METTL15: variants seen among roughly 807,000 people sequenced by gnomAD.
The protein encoded by METTL15 is methyltransferase 15, mitochondrial 12S rRNA N4-cytidine.
A neutral mutation model predicts 38.3 loss-of-function variants in METTL15; 34 were observed. The observed-to-expected ratio is 0.89, with a 90% CI of 0.68 to 1.18. The LOEUF (loss-of-function observed/expected upper bound fraction) is 1.18, where lower values mean the gene tolerates loss of function less well. Ranked by LOEUF, METTL15 falls within the 50% of genes most tolerant of loss-of-function variation. METTL15 has a pLI of 0.00. For synonymous variants in METTL15, 162 were observed against 170.9 expected (o/e 0.95, Z 0.41); for missense variants, 438 against 498.4 (o/e 0.88, Z 1.15).
intron 6 of METTL15, among the ~76,000 whole-genome samples, chr11:28,466,056 T>A (rs1409105089): frequency 6.6e-6 from 1 of 152,220 alleles, no homozygotes; most frequent in Non-Finnish European, 1.5e-5. Context: ...GCTTGAGCTA[T>A]CTTCAATTGA....
chr11:28,199,904 G>GTTAACAGTGTAGTAAGAAAAATCA (rs1852046571), intron 3 of METTL15, among the ~76,000 whole-genome samples: 1 of 151,814 alleles, frequency 6.6e-6, no homozygotes, highest in South Asian at 2.1e-4. Context: ...CACCATGCCT[G>GTTAACAGTGTAGTAAGAAAAATCA]GGTAATTTTT....
At chr11:28,109,382 A>G (rs561224214) in intron 1 of METTL15, among the ~76,000 whole-genome samples, 34 of 152,294 alleles carry the variant, frequency 2.2e-4, no homozygotes, top group African/African-American at 8.2e-4. Context: ...AACTCATTGT[A>G]TAGTACTTTA....
chr11:28,311,812 A>G (rs528803917), intron 6 of METTL15, among the ~76,000 whole-genome samples: 89 of 152,386 alleles, frequency 5.8e-4, no homozygotes, highest in African/African-American at 2.0e-3. Context: ...TGAGTGAGTT[A>G]GTGGGTAATT....
chr11:28,162,959 T>C (rs886494106), intron 3 of METTL15, among the ~76,000 whole-genome samples: 1 of 152,112 alleles, frequency 6.6e-6, no homozygotes, highest in African/African-American at 2.4e-5. Flanking sequence ...ATAGGTAGTA[T>C]TTTGAGCTTA....
chr11:28,111,140 T>G (rs1024338051), intron 2 of METTL15, among the ~76,000 whole-genome samples: 3 of 152,194 alleles, frequency 2.0e-5, no homozygotes, highest in Admixed American at 6.5e-5. Flanking sequence ...TTTCTCCAGG[T>G]TGACTCAAGT....
chr11:28,151,600 A>G (rs1044694820), intron 3 of METTL15, among the ~76,000 whole-genome samples: 3 of 152,064 alleles, frequency 2.0e-5, no homozygotes, highest in Non-Finnish European at 2.9e-5. Context: ...CCATGATGAC[A>G]TTTATTGCAC....
chr11:28,419,232 G>C (rs1850799099), intron 5 of METTL15, among the ~76,000 whole-genome samples: 1 of 152,220 alleles, frequency 6.6e-6, no homozygotes, highest in Non-Finnish European at 1.5e-5. Context: ...CAGTCCCAGT[G>C]GTGGTGACCA....
chr11:28,518,789 G>T (rs1851740401), intron 6 of METTL15, among the ~76,000 whole-genome samples: 1 of 152,202 alleles, frequency 6.6e-6, no homozygotes, highest in Non-Finnish European at 1.5e-5. Flanking sequence ...CCCCAGAAGG[G>T]CTCCTGTGAA....
chr11:28,406,520 C>T (rs1447803836), intron 5 of METTL15, among the ~76,000 whole-genome samples: 1 of 152,008 alleles, frequency 6.6e-6, no homozygotes, highest in South Asian at 2.1e-4. Context: ...ATGTAACAAA[C>T]CTGCATGTTA....
intron 3 of METTL15, among the ~76,000 whole-genome samples, chr11:28,183,743 GT>G (rs1158336333): frequency 6.6e-6 from 1 of 151,972 alleles, no homozygotes; most frequent in African/African-American, 2.4e-5. Flanking sequence ...TCTCTGCCAG[GT>G]TTTGGTATCA....
chr11:28,477,150 T>C (rs1027209025), intron 6 of METTL15, among the ~76,000 whole-genome samples: 1 of 152,154 alleles, frequency 6.6e-6, no homozygotes, highest in Non-Finnish European at 1.5e-5. Flanking sequence ...TAACTTTTTG[T>C]TCCAGTTTCT....
At chr11:28,245,699 T>A (rs1386466076) in intron 4 of METTL15, among the ~76,000 whole-genome samples, 1 of 152,138 alleles carries the variant, frequency 6.6e-6, no homozygotes, top group Non-Finnish European at 1.5e-5. Flanking sequence ...TCATTGACTA[T>A]CAGTTCCATA....
intron 3 of METTL15, among the ~76,000 whole-genome samples, chr11:28,209,817 A>G (rs1467216537): frequency 1.3e-5 from 2 of 152,020 alleles, no homozygotes; most frequent in Non-Finnish European, 2.9e-5. Flanking sequence ...AAATATATTC[A>G]AATCCATGAC....
intron 4 of METTL15, among the ~76,000 whole-genome samples, chr11:28,284,899 C>G (rs1856193086): frequency 6.6e-6 from 1 of 152,026 alleles, no homozygotes; most frequent in Non-Finnish European, 1.5e-5. Flanking sequence ...GGCTCTATGT[C>G]CCCATCCAAA....
chr11:28,254,268 T>A (rs1042289688), intron 4 of METTL15, among the ~76,000 whole-genome samples: 5 of 152,234 alleles, frequency 3.3e-5, no homozygotes, highest in Admixed American at 6.5e-5. Context: ...GTTTGCTATT[T>A]GTATGTCTTC....
chr11:28,266,454 C>T (rs1407233257), intron 4 of METTL15, among the ~76,000 whole-genome samples: 1 of 152,190 alleles, frequency 6.6e-6, no homozygotes, highest in Non-Finnish European at 1.5e-5. Context: ...CAAACTATCA[C>T]AAGGACAAGA....
At chr11:28,520,280 A>T (rs1321741735) in intron 6 of METTL15, among the ~76,000 whole-genome samples, 1 of 152,084 alleles carries the variant, frequency 6.6e-6, no homozygotes, top group African/African-American at 2.4e-5. Flanking sequence ...TTGAGGCTGC[A>T]GTGAGCCGTG....
intron 6 of METTL15, among the ~76,000 whole-genome samples, chr11:28,329,253 T>A (rs1849738791): frequency 6.6e-6 from 1 of 152,144 alleles, no homozygotes; most frequent in South Asian, 2.1e-4. Flanking sequence ...CAATAATTAG[T>A]TGACTGTATA....
chr11:28,381,921 T>A (rs935713831), intron 5 of METTL15, among the ~76,000 whole-genome samples: 1 of 152,218 alleles, frequency 6.6e-6, no homozygotes, highest in Admixed American at 6.5e-5. Context: ...GTTTCCTTTT[T>A]TTTTTTGTGT....
Sources: gnomAD v4.1 joint callset for allele counts (sites outside exome capture counted in the v4.1 genomes callset) on GRCh38, gnomAD v4.1.1 for gene constraint, MANE v1.5 for transcripts, NCBI Gene and HGNC (gene_info 2026-07-23, HGNC 2026-07-21) for gene names.